The following EYS variants were observed in gnomAD, a reference collection of about 807,000 sequenced individuals.
EYS encodes EGF-like photoreceptor maintenance factor.
EYS carries 250 observed loss-of-function variants against 282.1 expected under a neutral mutation model. The observed-to-expected ratio is 0.89, with a 90% CI of 0.80 to 0.98. The LOEUF (loss-of-function observed/expected upper bound fraction) is 0.98. EYS is among the 50% of genes least tolerant of loss of function. The pLI, the probability that EYS is intolerant of heterozygous loss-of-function variation, is 0.00. For synonymous variants in EYS, 1,355 were observed against 1,282.9 expected (o/e 1.06, Z -1.20); for missense variants, 4,016 against 3,709.0 (o/e 1.08, Z -2.15).
intron 2 of EYS, among the ~76,000 whole-genome samples, chr6:65,600,729 A>G (rs566089696): frequency 2.0e-5 from 3 of 152,134 alleles, no homozygotes; most frequent in African/African-American, 7.2e-5. Flanking sequence ...TTTAGTAGTT[A>G]TATAATTATG....
rs954205055 is a variant in EYS at position 63,789,125 on chromosome 6, G to A, written c.7511C>T (p.Pro2504Leu). The change falls in exon 38 of 43, where the codon CCC (proline) becomes CTC (leucine). Residue 2504 changes from proline to leucine, a missense_variant. Transcript: ENST00000503581. ...GSGIASIRSE[P>L]LNLSLGVHTV... Reference sequence around the variant, plus strand: ...GTGGACTCCAAGGCTCAGATTGAGGGGCTCGCTCCTGATGCTTGCTATGCC... The same window carrying A: ...GTGGACTCCAAGGCTCAGATTGAGGAGCTCGCTCCTGATGCTTGCTATGCC... 9 of 1,551,630 alleles carry A rather than the reference G, an allele frequency of 5.8e-6. No individual in the cohort carries two copies. Among genetic ancestry groups the A allele is most frequent in the Non-Finnish European group, 7.8e-6 (9 of 1,146,936 alleles).
chr6:64,157,892 G>A lies in EYS; in HGVS notation c.6424+72700C>T, dbSNP rs113309848. Among the ~76,000 whole-genome samples, 687 of 152,308 alleles carry A rather than the reference G, an allele frequency of 4.5e-3. 5 individuals carry two copies. The highest frequency in any genetic ancestry group is 0.015 in the African/African-American group (642 of 41,568). On this transcript the variant is annotated intron_variant, in intron 31 of 42. Transcript: ENST00000503581. ...GCCCCCACACAGAGTCCCTACTGGG[G>A]CACCACCTTATGGACCTGTGAGAAG...
intron 39 of EYS, among the ~76,000 whole-genome samples, chr6:63,783,981 G>A (rs941217864): frequency 9.9e-5 from 15 of 152,160 alleles, no homozygotes; most frequent in Non-Finnish European, 5.9e-5. Flanking sequence ...AATCACTGAA[G>A]ACCTAAATGG....
At chr6:64,389,620 A>G (rs1439576846) in intron 28 of EYS, among the ~76,000 whole-genome samples, 1 of 152,234 alleles carries the variant, frequency 6.6e-6, no homozygotes, top group Non-Finnish European at 1.5e-5. Flanking sequence ...AATTGAAACA[A>G]GACTTTAAGT....
At chr6:64,603,860 C>CGTGTGT (rs1380323953) in intron 24 of EYS, among the ~76,000 whole-genome samples, 12 of 98,434 alleles carry the variant, frequency 1.2e-4, no homozygotes, top group Non-Finnish European at 2.4e-4. Flanking sequence ...TAAATGAATA[C>CGTGTGT]CTGTGTGTGT....
At position 65,707,179 on chromosome 6, in the gene EYS, A is replaced by T. The variant is rs954063114; in HGVS notation, c.-492T>A. The T allele has an allele frequency of 2.0e-5, 3 of 152,104 alleles. No individual in the cohort carries two copies. Among genetic ancestry groups the T allele is most frequent in the Non-Finnish European group, 4.4e-5 (3 of 68,008 alleles). 9.4% of individuals were successfully genotyped at this position (152,104 alleles called of 1,614,324 possible). A position where few individuals can be genotyped will look rare whatever the true frequency, so the allele number is the denominator to read the frequency against. On this transcript the variant is annotated 5_prime_UTR_variant, in exon 1 of 43. Transcript: ENST00000503581. ...GGCTTGCAACCCTAGGAGGCTTCTG[A>T]TTACGGTTAATGTCTGGACATGCCT...
intron 29 of EYS, among the ~76,000 whole-genome samples, chr6:64,308,787 T>C (rs560565955): frequency 1.3e-5 from 2 of 152,154 alleles, no homozygotes; most frequent in Admixed American, 6.5e-5. Context: ...TAATACTCTG[T>C]CAAACGTCAA....
chr6:65,521,682 TTTGA>T (rs1253322193), intron 2 of EYS, among the ~76,000 whole-genome samples: 1 of 152,148 alleles, frequency 6.6e-6, no homozygotes, highest in Non-Finnish European at 1.5e-5. Context: ...AAGTAATTTG[TTTGA>T]TTGGCTATAT....
At chr6:64,947,407 T>C (rs1031161087) in intron 14 of EYS, among the ~76,000 whole-genome samples, 3 of 151,932 alleles carry the variant, frequency 2.0e-5, no homozygotes, top group South Asian at 2.1e-4. Context: ...ACAGGGCCAA[T>C]TGGTTTTCCA....
At chr6:64,615,544 A>G (rs17404636) in intron 24 of EYS, among the ~76,000 whole-genome samples, 16,371 of 152,112 alleles carry the variant, frequency 0.11, 1,062 homozygotes, top group East Asian at 0.16. Flanking sequence ...TTTCAAAAGT[A>G]TATTTCTTAG....
intron 26 of EYS, among the ~76,000 whole-genome samples, chr6:64,445,388 T>C (rs986499046): frequency 6.6e-6 from 1 of 152,154 alleles, no homozygotes; most frequent in East Asian, 1.9e-4. Context: ...AATAATAAAC[T>C]TCTGCACTTA....
intron 12 of EYS, among the ~76,000 whole-genome samples, chr6:65,139,305 C>T (rs371270407): frequency 1.4e-4 from 21 of 152,106 alleles, no homozygotes; most frequent in African/African-American, 4.6e-4. Flanking sequence ...AACTGAAGGC[C>T]GTTATCCTAA....
At position 63,748,178 on chromosome 6, in the gene EYS, A is replaced by G. The variant is rs372992400; in HGVS notation, c.8071+14283T>C. 3.3e-5 allele frequency among the ~76,000 whole-genome samples: 5 copies of G among 152,180 alleles called. No homozygotes were observed. The East Asian group carries it at 7.7e-4, about 24-fold the overall frequency. On this transcript the variant is annotated intron_variant, in intron 41 of 42. Transcript: ENST00000503581. The stretch of plus-strand genomic sequence containing the variant: ...ACAATCTCTCAGCATGATACTGGAC[A>G]AAAGTCATCTGTGGATGGACACTTA...
At chr6:64,114,471 C>T (rs1490164058) in intron 31 of EYS, among the ~76,000 whole-genome samples, 1 of 152,078 alleles carries the variant, frequency 6.6e-6, no homozygotes, top group Non-Finnish European at 1.5e-5. Flanking sequence ...AGGAAGAGCT[C>T]AGGAGTCTCA....
rs1582794857 is a variant in EYS at position 64,470,838 on chromosome 6, C to T, written c.5645-31486G>A. Among the ~76,000 whole-genome samples the T allele has an allele frequency of 2.0e-5, 3 of 152,086 alleles. 1 individual carries two copies. Among genetic ancestry groups the T allele is most frequent in the Middle Eastern group, 3.4e-3 (1 of 294 alleles). ...AAAAGCCAACAGGACATATGGGACA[C>T]CATAAAGAGAACAAATATTTGAATT... On this transcript the variant is annotated intron_variant, in intron 26 of 42. Transcript: ENST00000503581.
At chr6:63,774,545 G>C (rs1220693904) in intron 40 of EYS, among the ~76,000 whole-genome samples, 1 of 152,096 alleles carries the variant, frequency 6.6e-6, no homozygotes, top group Non-Finnish European at 1.5e-5. Context: ...TGGTGACTAT[G>C]GTTAGTAACA....
intron 33 of EYS, among the ~76,000 whole-genome samples, chr6:64,014,636 T>C (rs1317602220): frequency 2.6e-5 from 4 of 152,174 alleles, no homozygotes; most frequent in Admixed American, 6.6e-5. Flanking sequence ...AAGTTGTAAA[T>C]ATACTTATCA....
chr6:64,574,879 T>C lies in EYS; in HGVS notation c.5644+15344A>G, dbSNP rs1037223247. 3.3e-5 allele frequency among the ~76,000 whole-genome samples: 5 copies of C among 152,260 alleles called. No individual in the cohort carries two copies. The South Asian group carries it at 6.2e-4, about 19-fold the overall frequency. On this transcript the variant is annotated intron_variant, in intron 26 of 42. Coordinates refer to ENST00000503581, the MANE Select transcript of EYS (RefSeq NM_001142800.2). ...GCCTTCAGGTATAAATATTAAATGA[T>C]CTAAAAGAACACAATTTTGCTTTAT...
intron 22 of EYS, among the ~76,000 whole-genome samples, chr6:64,809,444 A>G (rs546674638): frequency 6.6e-6 from 1 of 152,104 alleles, no homozygotes; most frequent in African/African-American, 2.4e-5. Context: ...AACTAGATAA[A>G]AGTTTGAGAA....
Sources: gnomAD v4.1 joint callset for allele counts (sites outside exome capture counted in the v4.1 genomes callset) on GRCh38, gnomAD v4.1.1 for gene constraint, MANE v1.5 for transcripts, NCBI Gene and HGNC (gene_info 2026-07-23, HGNC 2026-07-21) for gene names.